ZMAT4: variants seen among roughly 807,000 people sequenced by gnomAD.
ZMAT4 encodes the protein zinc finger matrin-type protein 4.
A neutral mutation model predicts 28.7 loss-of-function variants in ZMAT4; 17 were observed. The ratio of observed to expected loss-of-function variants is 0.59; its 90% CI spans 0.41 to 0.89. ZMAT4 has a LOEUF of 0.89. Ranked by LOEUF, ZMAT4 falls within the 40% of genes least tolerant of loss-of-function variation. The probability of loss-of-function intolerance (pLI) is 0.00; values close to 1 mark genes in which losing one functional copy is unlikely to be tolerated. For synonymous variants in ZMAT4, 117 were observed against 109.2 expected, an observed-to-expected ratio of 1.07 and a Z score of -0.44; for missense variants, 240 against 283.8, an observed-to-expected ratio of 0.85 and a Z score of 1.11.
At position 40,780,319 on chromosome 8, in the gene ZMAT4, T is replaced by C. The variant is rs552234120; in HGVS notation, c.103-12589A>G. On this transcript the variant is annotated intron_variant, in intron 2 of 6. Transcript: ENST00000297737. ...CTACCACAAAGCCTGTTTTATAATA[T>C]AGTGTTGACGATCTCATGTGAATTA... Among the ~76,000 whole-genome samples the C allele has an allele frequency of 6.6e-5, 10 of 152,324 alleles. No individual in the cohort carries two copies. The South Asian group carries it at 2.1e-3, about 32-fold the overall frequency.
intron 1 of ZMAT4, among the ~76,000 whole-genome samples, chr8:40,857,578 GA>G (rs935476612): frequency 1.3e-5 from 2 of 152,042 alleles, no homozygotes; most frequent in African/African-American, 4.8e-5. Flanking sequence ...TAGGTGAAAG[GA>G]AAAAATGTTT....
At chr8:40,787,945 G>A (rs1187750144) in intron 2 of ZMAT4, among the ~76,000 whole-genome samples, 1 of 152,158 alleles carries the variant, frequency 6.6e-6, no homozygotes, top group Non-Finnish European at 1.5e-5. Context: ...TATGGATAAG[G>A]AGGACTACTA....
intron 6 of ZMAT4, among the ~76,000 whole-genome samples, chr8:40,538,408 G>A (rs1802917125): frequency 6.6e-6 from 1 of 152,136 alleles, no homozygotes; most frequent in Non-Finnish European, 1.5e-5. Flanking sequence ...TTTGATTGAT[G>A]TCTCTTGCCT....
chr8:40,881,924 C>T (rs751601536), intron 1 of ZMAT4, among the ~76,000 whole-genome samples: 1 of 152,178 alleles, frequency 6.6e-6, no homozygotes, highest in African/African-American at 2.4e-5. Context: ...CCACCTCCCC[C>T]ATGTAGCGCG....
intron 5 of ZMAT4, among the ~76,000 whole-genome samples, chr8:40,611,453 G>T (rs1805792379): frequency 6.6e-6 from 1 of 151,766 alleles, no homozygotes; most frequent in African/African-American, 2.4e-5. Flanking sequence ...CCATTCTCCT[G>T]CCTCAGCCTC....
chr8:40,798,264 G>A lies in ZMAT4; in HGVS notation c.102+27311C>T, dbSNP rs114509254. ...CAAGTTAATGATCTGCACACATCTC[G>A]GAAAGAACTTTCTGATGTTCTCTTC... On this transcript the variant is annotated intron_variant, in intron 2 of 6. Transcript: ENST00000297737. Among the ~76,000 whole-genome samples, 1,241 of 152,208 alleles carry A rather than the reference G, an allele frequency of 8.2e-3. 23 individuals are homozygous for A. Among genetic ancestry groups the A allele is most frequent in the African/African-American group, 0.029 (1,185 of 41,538 alleles).
At chr8:40,679,317 T>C (rs758897244) in intron 4 of ZMAT4, among the ~76,000 whole-genome samples, 9 of 152,164 alleles carry the variant, frequency 5.9e-5, no homozygotes, top group Non-Finnish European at 1.2e-4. Flanking sequence ...GATTTAAGGA[T>C]AAAAATATTT....
At chr8:40,696,144 T>C (rs571761312) in intron 4 of ZMAT4, among the ~76,000 whole-genome samples, 2 of 152,302 alleles carry the variant, frequency 1.3e-5, no homozygotes, top group East Asian at 3.9e-4. Context: ...CCAGATTTCA[T>C]GTGTTTTGCA....
intron 1 of ZMAT4, among the ~76,000 whole-genome samples, chr8:40,887,064 G>A (rs1252558952): frequency 6.6e-6 from 1 of 151,754 alleles, no homozygotes. Flanking sequence ...CCAGCTACTT[G>A]GGAGGCTGAG....
At chr8:40,659,575 A>G (rs1289058127) in intron 5 of ZMAT4, among the ~76,000 whole-genome samples, 1 of 152,208 alleles carries the variant, frequency 6.6e-6, no homozygotes. Flanking sequence ...TCAGTGCATC[A>G]TTAAACATAA....
Position 40,697,155 on chromosome 8 carries a change from G to A in ZMAT4, c.349+90C>T, listed in dbSNP as rs563122210. The A allele has an allele frequency of 5.6e-5, 79 of 1,419,676 alleles. No individual in the cohort carries two copies. In the South Asian group the frequency reaches 1.1e-3, roughly 19 times the overall value. The allele number at this position is 1,419,676 out of a possible 1,614,324, so 87.9% of individuals were successfully genotyped here. A position where few individuals can be genotyped will look rare whatever the true frequency, so the allele number is the denominator to read the frequency against. On this transcript the variant is annotated intron_variant, in intron 4 of 6. Transcript: ENST00000297737. ...CGTCTACCATTAGGCTCTGGTTCTG[G>A]CAACTGCGTCTGAAGGAGGAGCATG...
intron 5 of ZMAT4, among the ~76,000 whole-genome samples, chr8:40,592,904 G>C (rs1364668056): frequency 6.6e-6 from 1 of 152,166 alleles, no homozygotes; most frequent in East Asian, 1.9e-4. Flanking sequence ...AAGGAATTAA[G>C]CTGTTTTTTT....
chr8:40,830,073 G>A (rs1816223822), intron 1 of ZMAT4, among the ~76,000 whole-genome samples: 1 of 152,174 alleles, frequency 6.6e-6, no homozygotes, highest in African/African-American at 2.4e-5. Flanking sequence ...CTCAGAGGCA[G>A]ATATGAAACC....
intron 2 of ZMAT4, among the ~76,000 whole-genome samples, chr8:40,812,741 G>C (rs1815371669): frequency 6.6e-6 from 1 of 152,092 alleles, no homozygotes; most frequent in African/African-American, 2.4e-5. Flanking sequence ...GACCAGCCTG[G>C]CCAACATAGT....
chr8:40,543,174 G>A (rs796162358), intron 6 of ZMAT4, among the ~76,000 whole-genome samples: 1 of 151,838 alleles, frequency 6.6e-6, no homozygotes, highest in Non-Finnish European at 1.5e-5. Context: ...TTCAGCAGAC[G>A]TCCATATCCA....
chr8:40,640,196 T>A (rs2118758852), intron 5 of ZMAT4, among the ~76,000 whole-genome samples: 1 of 152,278 alleles, frequency 6.6e-6, no homozygotes, highest in Middle Eastern at 3.4e-3. Context: ...CAGGCTGGTC[T>A]TGAATTCCTG....
At chr8:40,644,800 T>C (rs184909901) in intron 5 of ZMAT4, among the ~76,000 whole-genome samples, 2 of 152,298 alleles carry the variant, frequency 1.3e-5, no homozygotes, top group Non-Finnish European at 2.9e-5. Flanking sequence ...ATGGTAATAG[T>C]ATGCACACTT....
chr8:40,677,562 T>A (rs1808963638), intron 4 of ZMAT4, among the ~76,000 whole-genome samples: 1 of 152,164 alleles, frequency 6.6e-6, no homozygotes, highest in Admixed American at 6.5e-5. Context: ...CCATAGGGTG[T>A]GGACAGAACA....
chr8:40,667,892 G>C (rs1210243108), intron 5 of ZMAT4, among the ~76,000 whole-genome samples: 1 of 150,952 alleles, frequency 6.6e-6, no homozygotes, highest in African/African-American at 2.4e-5. Context: ...TGAAGTTGTT[G>C]CTATAGCTAC....
Sources: allele counts gnomAD v4.1 joint callset (sites outside exome capture counted in the v4.1 genomes callset), GRCh38; gene constraint gnomAD v4.1.1; transcripts MANE v1.5; gene names NCBI Gene and HGNC (gene_info 2026-07-23, HGNC 2026-07-21).